DPP6: variants seen among roughly 807,000 people sequenced by gnomAD.
The protein encoded by DPP6 is dipeptidyl peptidase like 6.
A neutral mutation model predicts 122.6 loss-of-function variants in DPP6; 69 were observed. The observed-to-expected ratio is 0.56, with a 90% CI of 0.46 to 0.69. The LOEUF (loss-of-function observed/expected upper bound fraction) is 0.69, where lower values mean the gene tolerates loss of function less well. Ranked by LOEUF, DPP6 falls within the 30% of genes least tolerant of loss-of-function variation. The probability of loss-of-function intolerance (pLI) is 0.00; values close to 1 mark genes in which losing one functional copy is unlikely to be tolerated. For missense variants in DPP6, 928 were observed against 1,116.9 expected (o/e 0.83, Z 2.41); for synonymous variants, 418 against 433.1 (o/e 0.97, Z 0.43).
At chr7:154,808,533 AACTG>A (rs1226075408) in intron 16 of DPP6, among the ~76,000 whole-genome samples, 1 of 152,144 alleles carries the variant, frequency 6.6e-6, no homozygotes, top group Admixed American at 6.5e-5. Flanking sequence ...CCTAAGATCT[AACTG>A]ACCCACTTCA....
chr7:154,185,601 A>T (rs139725282), intron 1 of DPP6, among the ~76,000 whole-genome samples: 189 of 152,250 alleles, frequency 1.2e-3, no homozygotes, highest in African/African-American at 4.3e-3. Context: ...CAATGCTAGG[A>T]TTGTCATCCT....
At chr7:153,772,781 C>A in the DPP6 span, among the ~76,000 whole-genome samples, 2 of 148,376 alleles carry the variant, frequency 1.3e-5, no homozygotes, top group Non-Finnish European at 3.0e-5. Flanking sequence ...ATCATTAACA[C>A]AAAGAAGCTG....
chr7:153,783,436 A>G, the DPP6 span, among the ~76,000 whole-genome samples: 1 of 152,158 alleles, frequency 6.6e-6, no homozygotes, highest in African/African-American at 2.4e-5. Context: ...CCCATAATTC[A>G]ATTACCTCCA....
chr7:153,979,905 A>G (rs1796497548), intron 1 of DPP6, among the ~76,000 whole-genome samples: 1 of 152,170 alleles, frequency 6.6e-6, no homozygotes, highest in Admixed American at 6.5e-5. Context: ...CGAGTTGATC[A>G]TGGTGGATAA....
At chr7:154,818,825 G>A (rs1414578980) in intron 16 of DPP6, among the ~76,000 whole-genome samples, 1 of 152,200 alleles carries the variant, frequency 6.6e-6, no homozygotes, top group Non-Finnish European at 1.5e-5. Flanking sequence ...GAGGCTGCAT[G>A]AACCAAGAAC....
chr7:154,315,836 T>G (rs143227317), intron 1 of DPP6, among the ~76,000 whole-genome samples: 1 of 152,174 alleles, frequency 6.6e-6, no homozygotes, highest in African/African-American at 2.4e-5. Flanking sequence ...AGGGGTCAGT[T>G]TAACTAAGAA....
intron 22 of DPP6, among the ~76,000 whole-genome samples, chr7:154,887,172 G>A (rs1806216004): frequency 6.6e-6 from 1 of 151,964 alleles, no homozygotes; most frequent in Non-Finnish European, 1.5e-5. Flanking sequence ...TGCAGGCCAG[G>A]GGCACTGTGC....
At chr7:154,079,763 A>T (rs540900474) in intron 1 of DPP6, among the ~76,000 whole-genome samples, 1 of 152,058 alleles carries the variant, frequency 6.6e-6, no homozygotes, top group African/African-American at 2.4e-5. Context: ...AGGATCCCTG[A>T]TGCCCAGATG....
At chr7:154,078,880 T>C (rs1268447841) in intron 1 of DPP6, among the ~76,000 whole-genome samples, 1 of 151,298 alleles carries the variant, frequency 6.6e-6, no homozygotes, top group East Asian at 1.9e-4. Context: ...GATTGTAGAT[T>C]TTTTAAATTT....
intron 21 of DPP6, among the ~76,000 whole-genome samples, chr7:154,882,363 C>T (rs3778745): frequency 0.034 from 5,113 of 152,304 alleles, 135 homozygotes; most frequent in East Asian, 0.064. Context: ...CAGTGGATCC[C>T]GGGCGTCTTT....
At position 154,336,216 on chromosome 7, in the gene DPP6, T is replaced by C. The variant is rs142377085; in HGVS notation, c.244-109998T>C. On this transcript the variant is annotated intron_variant, in intron 1 of 25. Coordinates refer to ENST00000377770, the MANE Select transcript of DPP6 (RefSeq NM_130797.4). The stretch of plus-strand genomic sequence containing the variant: ...ATGCCCACATGGTCATAATACAGAC[T>C]TAGCAACCTGGAAGGAAGTCTCAGT... 5.8e-3 allele frequency among the ~76,000 whole-genome samples: 883 copies of C among 152,216 alleles called. 2 individuals are homozygous for C. The highest frequency in any genetic ancestry group is 1.0e-2 in the Non-Finnish European group (679 of 68,016).
chr7:154,178,070 T>C (rs555138941), intron 1 of DPP6, among the ~76,000 whole-genome samples: 2 of 152,302 alleles, frequency 1.3e-5, no homozygotes, highest in East Asian at 3.9e-4. Context: ...CAGAAAGCAC[T>C]TGGGGTGACC....
chr7:154,420,285 G>A (rs762862576), intron 1 of DPP6, among the ~76,000 whole-genome samples: 11 of 152,192 alleles, frequency 7.2e-5, no homozygotes, highest in Non-Finnish European at 1.2e-4. Context: ...GTAGTCAGCC[G>A]AGATGGAGCC....
chr7:154,207,383 T>TA (rs545818425), intron 1 of DPP6, among the ~76,000 whole-genome samples: 6 of 152,136 alleles, frequency 3.9e-5, no homozygotes, highest in Non-Finnish European at 8.8e-5. Flanking sequence ...GGCATGATCT[T>TA]AAAAAAAATC....
At chr7:154,478,938 C>T (rs1164280318) in intron 3 of DPP6, among the ~76,000 whole-genome samples, 2 of 139,420 alleles carry the variant, frequency 1.4e-5, no homozygotes, top group East Asian at 3.9e-4. Flanking sequence ...GAGGAAGAGA[C>T]TTGATTTTGT....
intron 1 of DPP6, among the ~76,000 whole-genome samples, chr7:154,043,285 T>C (rs1352328502): frequency 6.6e-6 from 1 of 150,840 alleles, no homozygotes; most frequent in Non-Finnish European, 1.5e-5. Context: ...TCTAGCTACT[T>C]GGGAGTCTGA....
chr7:154,801,243 C>G, intron 12 of DPP6, 112 bp from the exon 13 acceptor site: 1 of 1,436,012 alleles, frequency 7.0e-7, no homozygotes, highest in Non-Finnish European at 9.4e-7. Context: ...AACTGTTCCT[C>G]TCCTTAGAAA....
chr7:154,889,738 C>A (rs1806451839), intron 25 of DPP6: 2 of 776,746 alleles, frequency 2.6e-6, no homozygotes, highest in East Asian at 2.8e-5. Flanking sequence ...GTACTTCAGC[C>A]CGGTTTAAAT....
chr7:154,261,758 A>T (rs1408620757), intron 1 of DPP6, among the ~76,000 whole-genome samples: 1 of 152,256 alleles, frequency 6.6e-6, no homozygotes, highest in Non-Finnish European at 1.5e-5. Flanking sequence ...CCAAAAGAAG[A>T]TATACAAATG....
Sources: gnomAD v4.1 joint callset for allele counts (sites outside exome capture counted in the v4.1 genomes callset) on GRCh38, gnomAD v4.1.1 for gene constraint, MANE v1.5 for transcripts, NCBI Gene and HGNC (gene_info 2026-07-23, HGNC 2026-07-21) for gene names.